Variants in C4orf51 observed in about 807,000 individuals in gnomAD.
The protein encoded by C4orf51 is chromosome 4 open reading frame 51.
A neutral mutation model predicts 25.2 loss-of-function variants in C4orf51; 25 were observed. That is an observed-to-expected ratio of 0.99 (90% CI 0.72 to 1.39). The LOEUF (loss-of-function observed/expected upper bound fraction) is 1.39, where lower values mean the gene tolerates loss of function less well. C4orf51 is among the 40% of genes most tolerant of loss of function. The pLI, the probability that C4orf51 is intolerant of heterozygous loss-of-function variation, is 0.00. For synonymous variants in C4orf51, 100 were observed against 84.5 expected (o/e 1.18, Z -1.01); for missense variants, 252 against 239.6 (o/e 1.05, Z -0.34).
At chr4:145,711,562 G>A (rs749100727) in intron 2 of C4orf51, among the ~76,000 whole-genome samples, 14 of 151,860 alleles carry the variant, frequency 9.2e-5, no homozygotes, top group Admixed American at 4.6e-4. Flanking sequence ...TAGTTATCTT[G>A]ATAGTGTTCC....
At chr4:145,714,113 C>T (rs911019772) in intron 2 of C4orf51, among the ~76,000 whole-genome samples, 2 of 152,204 alleles carry the variant, frequency 1.3e-5, no homozygotes, top group South Asian at 2.1e-4. Context: ...TGCTATTGCA[C>T]ACCTAATAGA....
At position 145,688,291 on chromosome 4, in the gene C4orf51, A is replaced by G. The variant is rs143223658; in HGVS notation, c.233+7855A>G. Among the ~76,000 whole-genome samples the G allele has an allele frequency of 2.7e-3, 418 of 152,074 alleles. 3 individuals carry two copies. The highest frequency in any genetic ancestry group is 9.3e-3 in the African/African-American group (384 of 41,490). ...GTAATCAAAGATGTGCAAGATCTCCACTCAGAAAACCAGAAGACATTAGAG... is the reference window on the plus strand; with the variant it reads ...GTAATCAAAGATGTGCAAGATCTCCGCTCAGAAAACCAGAAGACATTAGAG... On this transcript the variant is annotated intron_variant, in intron 1 of 5. Transcript: ENST00000438731.
intron 2 of C4orf51, among the ~76,000 whole-genome samples, chr4:145,726,526 C>G (rs1732067816): frequency 1.3e-5 from 2 of 152,136 alleles, no homozygotes; most frequent in Admixed American, 1.3e-4. Flanking sequence ...CTTAGCCTCC[C>G]TGGTAGCTGG....
At chr4:145,692,808 A>G (rs1729672855) in intron 1 of C4orf51, among the ~76,000 whole-genome samples, 1 of 152,084 alleles carries the variant, frequency 6.6e-6, no homozygotes, top group African/African-American at 2.4e-5. Flanking sequence ...TTCATTCCAT[A>G]CAAAATAACC....
At chr4:145,760,672 AG>A (rs1464726555) in intron 1 of C4orf51, 10 of 776,780 alleles carry the variant, frequency 1.3e-5, no homozygotes, top group African/African-American at 5.7e-5. Flanking sequence ...CGGGGTCTGT[AG>A]GTTTTGCAGC....
intron 1 of C4orf51, among the ~76,000 whole-genome samples, chr4:145,685,101 T>A (rs1729061585): frequency 6.6e-6 from 1 of 152,140 alleles, no homozygotes. Flanking sequence ...TTGTCCTAAT[T>A]GACATAGCTA....
At chr4:145,771,816 A>T (rs1736332184), downstream of C4orf51, among the ~76,000 whole-genome samples, 1 of 152,228 alleles carries the variant, frequency 6.6e-6, no homozygotes, top group Admixed American at 6.5e-5. Flanking sequence ...CTTAGGTAAC[A>T]AGATAGCGTG....
At chr4:145,689,683 G>A (rs918908283) in intron 1 of C4orf51, among the ~76,000 whole-genome samples, 3 of 151,944 alleles carry the variant, frequency 2.0e-5, no homozygotes, top group African/African-American at 4.8e-5. Flanking sequence ...TAGACCAATG[G>A]CACAGAATAA....
the C4orf51 span, among the ~76,000 whole-genome samples, chr4:145,790,585 G>A: frequency 6.6e-6 from 1 of 152,086 alleles, no homozygotes; most frequent in South Asian, 2.1e-4. Flanking sequence ...ATTCAAGTAA[G>A]CCTCTAGGGA....
intron 3 of C4orf51, among the ~76,000 whole-genome samples, chr4:145,727,726 T>A (rs1443210815): frequency 6.9e-6 from 1 of 145,690 alleles, no homozygotes; most frequent in Non-Finnish European, 1.5e-5. Context: ...AAAAAAAAAA[T>A]ACAAAATTAG....
chr4:145,773,188 C>G (rs552358603), downstream of C4orf51, among the ~76,000 whole-genome samples: 1 of 152,312 alleles, frequency 6.6e-6, no homozygotes, highest in Admixed American at 6.5e-5. Flanking sequence ...TCCAGAAATG[C>G]TGAATTTAAT....
At chr4:145,774,770 T>A (rs1440177831), downstream of C4orf51, 35 of 1,346,268 alleles carry the variant, frequency 2.6e-5, no homozygotes, top group Non-Finnish European at 3.3e-5. Flanking sequence ...TCAAGAAAAC[T>A]GGAATTTGAA....
intron 1 of C4orf51, among the ~76,000 whole-genome samples, chr4:145,746,220 A>T (rs60086138): frequency 0.013 from 2,030 of 152,146 alleles, 41 homozygotes; most frequent in African/African-American, 0.046. Flanking sequence ...TTTTAACTTG[A>T]TGTGATCCCA....
chr4:145,770,159 C>T (rs1386381140), intron 1 of C4orf51, among the ~76,000 whole-genome samples: 4 of 152,008 alleles, frequency 2.6e-5, no homozygotes, highest in African/African-American at 7.3e-5. Context: ...ATAAGCTGGG[C>T]GTGGTGCCCC....
downstream of C4orf51, among the ~76,000 whole-genome samples, chr4:145,774,205 G>GA (rs1736689111): frequency 6.6e-6 from 1 of 152,176 alleles, no homozygotes; most frequent in Admixed American, 6.5e-5. Context: ...CTGGGGCATT[G>GA]AAAGACTGTC....
At chr4:145,774,406 C>A, downstream of C4orf51, 1 of 1,321,824 alleles carries the variant, frequency 7.6e-7, no homozygotes. Flanking sequence ...AGGAAAAGGG[C>A]AATGTCTCAG....
intron 1 of C4orf51, among the ~76,000 whole-genome samples, chr4:145,746,618 A>G (rs1297272244): frequency 1.3e-5 from 2 of 152,072 alleles, no homozygotes; most frequent in Non-Finnish European, 2.9e-5. Context: ...TACTACAGCC[A>G]TGTAGTGTAA....
intron 1 of C4orf51, among the ~76,000 whole-genome samples, chr4:145,769,255 CTT>C (rs10546950): frequency 0.048 from 7,229 of 151,954 alleles, 555 homozygotes; most frequent in African/African-American, 0.16. Flanking sequence ...AGACTTCTCT[CTT>C]GGTACAAGAA....
intron 1 of C4orf51, among the ~76,000 whole-genome samples, chr4:145,688,623 T>A (rs1191241176): frequency 6.6e-6 from 1 of 152,234 alleles, no homozygotes. Context: ...GATTGTAAGT[T>A]TCCTGAGGCC....
Sources: gnomAD v4.1 joint callset for allele counts (sites outside exome capture counted in the v4.1 genomes callset) on GRCh38, gnomAD v4.1.1 for gene constraint, MANE v1.5 for transcripts, NCBI Gene and HGNC (gene_info 2026-07-23, HGNC 2026-07-21) for gene names.